The following STK26 variants were observed in gnomAD, a reference collection of about 807,000 sequenced individuals.
The protein encoded by STK26 is serine/threonine-protein kinase 26.
In STK26, 14 loss-of-function variants were observed where a neutral mutation model predicts 34.7. The observed-to-expected ratio is 0.40, with a 90% CI of 0.27 to 0.63. The LOEUF (loss-of-function observed/expected upper bound fraction) is 0.63. Among genes scored for constraint, STK26 ranks in the 30% least tolerant of loss-of-function variants. The pLI is 0.38. For missense variants in STK26, 226 were observed against 309.1 expected (o/e 0.73, Z 2.02); for synonymous variants, 100 against 109.8 (o/e 0.91, Z 0.56).
intron 2 of STK26, among the ~76,000 whole-genome samples, chrX:132,031,322 T>A (rs936743011): frequency 8.0e-5 from 9 of 112,126 alleles, no homozygotes; most frequent in African/African-American, 2.9e-4. Context: ...CATTTATCAT[T>A]TTTTTGTGCT....
In STK26 at chrX:132,074,137, G is replaced by T; in HGVS notation, c.1229G>T (p.Cys410Phe). 8.3e-7 allele frequency: 1 copy of T among 1,204,887 alleles called. No individual in the cohort carries two copies. Among genetic ancestry groups the T allele is most frequent in the South Asian group, 1.8e-5 (1 of 55,868 alleles). Residue 410 changes from cysteine to phenylalanine, a missense_variant and splice_region_variant, in exon 12 of 12, where the codon TGT (cysteine) becomes TTT (phenylalanine). Physicochemically the swap from Cys to Phe is radical, Grantham distance 205. Transcript: ENST00000394334. ...VKKLIEKFQK[C>F]SADESP ...TAAATTTTTTAAAAATTTTATAGGT[G>T]TTCAGCAGACGAATCCCCCTAAGAA...
chrX:132,064,809 A>C (rs1927166925), intron 4 of STK26, among the ~76,000 whole-genome samples: 1 of 112,211 alleles, frequency 8.9e-6, no homozygotes, highest in Non-Finnish European at 1.9e-5. Flanking sequence ...TGATTAAAAT[A>C]ATCAAGTAAT....
At chrX:132,038,571 T>C (rs1926146745) in intron 2 of STK26, among the ~76,000 whole-genome samples, 1 of 111,344 alleles carries the variant, frequency 9.0e-6, no homozygotes, top group South Asian at 3.7e-4. Context: ...GGTGGCCTTT[T>C]TTTTTCCTTT....
At chrX:132,025,633 A>C (rs1935083213) in intron 2 of STK26, among the ~76,000 whole-genome samples, 1 of 105,400 alleles carries the variant, frequency 9.5e-6, no homozygotes, top group Admixed American at 1.0e-4. Context: ...AACGTTAGCA[A>C]AGAAGAGAGG....
intron 2 of STK26, among the ~76,000 whole-genome samples, chrX:132,039,656 T>C (rs903912991): frequency 3.6e-5 from 4 of 112,038 alleles, no homozygotes; most frequent in Non-Finnish European, 5.6e-5. Context: ...AAGCAATGAA[T>C]GTGTAATTAT....
intron 8 of STK26, among the ~76,000 whole-genome samples, 180 bp downstream of exon 8, chrX:132,071,397 T>G (rs932841392): frequency 8.9e-6 from 1 of 112,374 alleles, no homozygotes; most frequent in Non-Finnish European, 1.9e-5. Context: ...GTTGGAAACA[T>G]GTTTTTCTTG....
intron 3 of STK26, among the ~76,000 whole-genome samples, chrX:132,058,644 A>G (rs1455049719): frequency 1.8e-5 from 2 of 111,455 alleles, no homozygotes; most frequent in Non-Finnish European, 3.8e-5. Context: ...TAATCTTTAA[A>G]TAATTAAAAA....
intron 2 of STK26, among the ~76,000 whole-genome samples, chrX:132,024,751 GT>G (rs200767685): frequency 0.11 from 10,754 of 95,739 alleles, 529 homozygotes; most frequent in African/African-American, 0.17. Flanking sequence ...GATACATGGA[GT>G]TTTTTTTTTT....
intron 2 of STK26, among the ~76,000 whole-genome samples, chrX:132,045,217 G>A (rs1186770618): frequency 9.1e-6 from 1 of 110,423 alleles, no homozygotes; most frequent in East Asian, 2.8e-4. Flanking sequence ...AGAGTGTTGG[G>A]GCTTGAATAC....
intron 2 of STK26, among the ~76,000 whole-genome samples, chrX:132,026,174 G>A (rs1935095972): frequency 8.9e-6 from 1 of 112,153 alleles, no homozygotes; most frequent in Non-Finnish European, 1.9e-5. Flanking sequence ...CCAGCTACCT[G>A]TTCTATCACT....
intron 2 of STK26, among the ~76,000 whole-genome samples, chrX:132,025,036 G>T (rs918985513): frequency 3.6e-5 from 4 of 110,826 alleles, no homozygotes; most frequent in African/African-American, 1.3e-4. Context: ...CTCTCAGGCG[G>T]CCTCCCCTCT....
Position 132,068,515 on chromosome X carries a change from A to T in STK26, c.543A>T (p.Gly181=), listed in dbSNP as rs569986933. Residue 181 remains glycine, a synonymous_variant, in exon 6 of 12, where the codon GGA becomes GGT. Coordinates refer to ENST00000394334, the MANE Select transcript of STK26 (RefSeq NM_016542.4). Reference sequence around the variant, plus strand: ...AGATTAAAAGAAATACCTTTGTGGGAACTCCATTTTGGATGGCTCCTGAAG... The same window carrying T: ...AGATTAAAAGAAATACCTTTGTGGGTACTCCATTTTGGATGGCTCCTGAAG... The part of the protein sequence containing the change: ...DTQIKRNTFV[G]TPFWMAPEVI... 2.4e-4 allele frequency: 295 copies of T among 1,209,323 alleles called. No homozygotes were observed. In the South Asian group the frequency reaches 4.6e-3, roughly 19 times the overall value.
chrX:132,037,518 A>G (rs1926097044), intron 2 of STK26, among the ~76,000 whole-genome samples: 1 of 111,858 alleles, frequency 8.9e-6, no homozygotes, highest in Non-Finnish European at 1.9e-5. Context: ...TTTTACAGAA[A>G]ATCATTGCAT....
rs769774472 is a variant in STK26, at chrX:132,027,768, C to T, written c.42+4109C>T. 2.2e-4 allele frequency among the ~76,000 whole-genome samples: 24 copies of T among 111,343 alleles called. 1 individual carries two copies. The highest frequency in any genetic ancestry group is 2.0e-3 in the East Asian group (7 of 3,570). Reference sequence around the variant, plus strand: ...AGACTCAATGTACCAAGTTATATATCGAAAGAGAAATCTCAAAATTGGATG... The same window carrying T: ...AGACTCAATGTACCAAGTTATATATTGAAAGAGAAATCTCAAAATTGGATG... On this transcript the variant is annotated intron_variant, in intron 2 of 11. Coordinates refer to ENST00000394334, the MANE Select transcript of STK26 (RefSeq NM_016542.4).
Position 132,073,012 on chromosome X carries a change from A to G in STK26, c.1145A>G (p.Glu382Gly). Residue 382 changes from glutamate to glycine, a missense_variant, in exon 11 of 12, where the codon GAG (glutamate) becomes GGG (glycine). Transcript: ENST00000394334. Reference sequence around the variant, plus strand: ...AGGAATCAGGCGATTGAAGAACTCGAGAAAAGTATTGCTGTGGCTGAAGCC... The same window carrying G: ...AGGAATCAGGCGATTGAAGAACTCGGGAAAAGTATTGCTGTGGCTGAAGCC... ...ASRNQAIEELEKSIAVAEAAC... is the reference protein window; with the variant it reads ...ASRNQAIEELGKSIAVAEAAC... 3 of 1,211,298 alleles carry G rather than the reference A, an allele frequency of 2.5e-6. 1 individual carries two copies. In the South Asian group the frequency reaches 5.3e-5, roughly 21 times the overall value.
intron 3 of STK26, among the ~76,000 whole-genome samples, chrX:132,056,430 A>G (rs1374004856): frequency 1.8e-5 from 2 of 111,951 alleles, no homozygotes; most frequent in Non-Finnish European, 3.8e-5. Flanking sequence ...AGTGTTGACA[A>G]AGATTGCAGG....
chrX:132,023,759 C>A, intron 2 of STK26, 100 bp downstream of exon 2: 1 of 1,007,068 alleles, frequency 9.9e-7, no homozygotes. Context: ...CCCCAGGGCT[C>A]CCCTGAGGGC....
At chrX:132,039,581 A>G (rs1431244579) in intron 2 of STK26, among the ~76,000 whole-genome samples, 59 of 111,838 alleles carry the variant, frequency 5.3e-4, no homozygotes, top group Admixed American at 5.1e-3. Context: ...AACATTTTAT[A>G]TATTGAAGGG....
intron 2 of STK26, among the ~76,000 whole-genome samples, chrX:132,050,274 A>G (rs1197224875): frequency 8.9e-6 from 1 of 111,937 alleles, no homozygotes; most frequent in Admixed American, 9.5e-5. Context: ...AAACTCTGTC[A>G]TCAGTCACAT....
Sources: gnomAD v4.1 joint callset for allele counts (sites outside exome capture counted in the v4.1 genomes callset) on GRCh38, gnomAD v4.1.1 for gene constraint, MANE v1.5 for transcripts, NCBI Gene and HGNC (gene_info 2026-07-23, HGNC 2026-07-21) for gene names.